Variants in OTUD7A observed in about 807,000 individuals in gnomAD.
The protein encoded by OTUD7A is OTU deubiquitinase 7A.
A neutral mutation model predicts 65.7 loss-of-function variants in OTUD7A; 12 were observed. The ratio of observed to expected loss-of-function variants is 0.18; its 90% CI spans 0.12 to 0.30. OTUD7A has a LOEUF of 0.30. Among genes scored for constraint, OTUD7A ranks in the 10% least tolerant of loss-of-function variants. OTUD7A has a pLI of 1.00. For synonymous variants in OTUD7A, 641 were observed against 586.3 expected, an observed-to-expected ratio of 1.09 and a Z score of -1.35; for missense variants, 1,148 against 1,304.8, an observed-to-expected ratio of 0.88 and a Z score of 1.85.
At chr15:31,682,265 A>G (rs1238948150) in intron 1 of OTUD7A, among the ~76,000 whole-genome samples, 1 of 152,236 alleles carries the variant, frequency 6.6e-6, no homozygotes, top group Non-Finnish European at 1.5e-5. Flanking sequence ...AGAGAGATGT[A>G]TTGTTTTTAT....
chr15:31,716,261 T>TTC, intron 1 of OTUD7A, among the ~76,000 whole-genome samples: 1 of 12,902 alleles, frequency 7.8e-5, no homozygotes, highest in Non-Finnish European at 8.2e-4. Flanking sequence ...TTTTATATAT[T>TTC]TATATACATT....
At chr15:31,783,833 C>G (rs1449460228) in intron 1 of OTUD7A, among the ~76,000 whole-genome samples, 1 of 152,168 alleles carries the variant, frequency 6.6e-6, no homozygotes, top group Non-Finnish European at 1.5e-5. Flanking sequence ...TGGTGTCTGG[C>G]AAGCATCCTC....
At chr15:31,797,575 C>T (rs1252704400) in intron 1 of OTUD7A, among the ~76,000 whole-genome samples, 1 of 152,208 alleles carries the variant, frequency 6.6e-6, no homozygotes, top group Non-Finnish European at 1.5e-5. Context: ...GGGCCCAGGC[C>T]CCACCATGCA....
chr15:31,569,285 A>G (rs879833791), intron 4 of OTUD7A, among the ~76,000 whole-genome samples: 2 of 152,230 alleles, frequency 1.3e-5, no homozygotes, highest in Non-Finnish European at 2.9e-5. Context: ...AAATAATAAC[A>G]ACGACAAAAA....
intron 1 of OTUD7A, among the ~76,000 whole-genome samples, chr15:31,774,243 G>A (rs1895312472): frequency 6.6e-6 from 1 of 152,236 alleles, no homozygotes; most frequent in South Asian, 2.1e-4. Flanking sequence ...GGTGCTCTCT[G>A]CAGCCCAGGA....
chr15:31,512,113 C>G (rs1025133532), intron 8 of OTUD7A, among the ~76,000 whole-genome samples: 5 of 152,214 alleles, frequency 3.3e-5, no homozygotes, highest in Non-Finnish European at 7.3e-5. Context: ...TGCCCCGCAG[C>G]TTTTTCCTCA....
chr15:31,799,060 T>G (rs1286379342), intron 1 of OTUD7A, among the ~76,000 whole-genome samples: 2 of 152,154 alleles, frequency 1.3e-5, no homozygotes, highest in South Asian at 2.1e-4. Context: ...AGACAGAGAT[T>G]TCTGAGCAGA....
chr15:31,751,878 T>A (rs1894646222), intron 1 of OTUD7A, among the ~76,000 whole-genome samples: 1 of 151,976 alleles, frequency 6.6e-6, no homozygotes, highest in South Asian at 2.1e-4. Flanking sequence ...GAATAACAGA[T>A]GCCAGAAACT....
intron 1 of OTUD7A, among the ~76,000 whole-genome samples, chr15:31,671,814 T>A (rs375235396): frequency 6.6e-6 from 1 of 152,224 alleles, no homozygotes; most frequent in Non-Finnish European, 1.5e-5. Context: ...AGGTTTGTGA[T>A]ATACGTAAAC....
intron 5 of OTUD7A, among the ~76,000 whole-genome samples, chr15:31,552,931 C>T (rs746351494): frequency 2.0e-5 from 3 of 152,112 alleles, no homozygotes; most frequent in East Asian, 3.9e-4. Context: ...GGAAGCCTCA[C>T]GAGATGGAAG....
chr15:31,647,096 T>C (rs188197573), intron 3 of OTUD7A, among the ~76,000 whole-genome samples: 61 of 152,336 alleles, frequency 4.0e-4, no homozygotes, highest in East Asian at 5.8e-4. Context: ...CAGAGCTCTC[T>C]CTAGTGGGAA....
intron 10 of OTUD7A, among the ~76,000 whole-genome samples, chr15:31,497,530 G>A (rs1397874482): frequency 6.6e-6 from 1 of 152,192 alleles, no homozygotes; most frequent in Admixed American, 6.5e-5. Flanking sequence ...GATTACAGGT[G>A]TGAGCCACTG....
At chr15:31,770,702 T>C (rs1032367936) in intron 1 of OTUD7A, among the ~76,000 whole-genome samples, 9 of 152,300 alleles carry the variant, frequency 5.9e-5, no homozygotes, top group Non-Finnish European at 1.5e-5. Context: ...TTTAAAAAGA[T>C]ACACCATGAC....
At chr15:31,799,280 A>T (rs995279382) in intron 1 of OTUD7A, among the ~76,000 whole-genome samples, 1 of 152,214 alleles carries the variant, frequency 6.6e-6, no homozygotes. Context: ...ACACAGTTTC[A>T]TTCTCAGTTT....
intron 1 of OTUD7A, among the ~76,000 whole-genome samples, chr15:31,844,958 A>G (rs754216724): frequency 6.6e-5 from 10 of 152,284 alleles, no homozygotes; most frequent in African/African-American, 2.4e-4. Flanking sequence ...CAGAGCTCCC[A>G]TAAGAATTCA....
intron 1 of OTUD7A, among the ~76,000 whole-genome samples, chr15:31,730,196 G>A (rs955412127): frequency 2.0e-5 from 3 of 152,170 alleles, no homozygotes; most frequent in African/African-American, 7.2e-5. Flanking sequence ...AACCAACCAT[G>A]TTGGCACTCT....
intron 3 of OTUD7A, among the ~76,000 whole-genome samples, chr15:31,610,605 A>ATTTTTTTTTTTTTTTTTTTTT (rs1472216504): frequency 2.6e-5 from 1 of 38,678 alleles, no homozygotes; most frequent in Non-Finnish European, 4.8e-5. Flanking sequence ...ATATATATAT[A>ATTTTTTTTTTTTTTTTTTTTT]TATATATATA....
At chr15:31,500,874 C>T (rs1426625662) in intron 10 of OTUD7A, among the ~76,000 whole-genome samples, 2 of 152,246 alleles carry the variant, frequency 1.3e-5, no homozygotes, top group South Asian at 2.1e-4. Context: ...TCTGCCTATA[C>T]TACAAACAAG....
chr15:31,674,689 T>C (rs549195866), intron 1 of OTUD7A, among the ~76,000 whole-genome samples: 1 of 152,262 alleles, frequency 6.6e-6, no homozygotes, highest in East Asian at 1.9e-4. Context: ...ATGGAAATGG[T>C]TGGGTTTCCA....
Sources: gnomAD v4.1 joint callset for allele counts (sites outside exome capture counted in the v4.1 genomes callset) on GRCh38, gnomAD v4.1.1 for gene constraint, MANE v1.5 for transcripts, NCBI Gene and HGNC (gene_info 2026-07-23, HGNC 2026-07-21) for gene names.